The following FBXL17 variants were observed in gnomAD, a reference collection of about 807,000 sequenced individuals.
FBXL17 encodes F-box/LRR-repeat protein 17.
In FBXL17, 22 loss-of-function variants were observed where a neutral mutation model predicts 66.2. The observed-to-expected ratio is 0.33, with a 90% CI of 0.24 to 0.47. FBXL17 has a LOEUF of 0.47. Among genes scored for constraint, FBXL17 ranks in the 20% least tolerant of loss-of-function variants. FBXL17 has a pLI of 1.00. For missense variants in FBXL17, 878 were observed against 948.2 expected, an observed-to-expected ratio of 0.93 and a Z score of 0.97; for synonymous variants, 474 against 400.5, an observed-to-expected ratio of 1.18 and a Z score of -2.19.
chr5:107,957,393 A>G (rs1281274452), intron 7 of FBXL17, among the ~76,000 whole-genome samples: 2 of 152,178 alleles, frequency 1.3e-5, no homozygotes, highest in Non-Finnish European at 2.9e-5. Context: ...CCCATTGGTT[A>G]GAGAAAACTG....
chr5:108,061,662 A>G (rs973643312), intron 6 of FBXL17, among the ~76,000 whole-genome samples: 1 of 152,084 alleles, frequency 6.6e-6, no homozygotes, highest in Non-Finnish European at 1.5e-5. Context: ...TGCCACCATT[A>G]CTCGTAACTG....
intron 7 of FBXL17, among the ~76,000 whole-genome samples, chr5:107,902,162 G>GT (rs1409129653): frequency 1.3e-5 from 2 of 152,084 alleles, no homozygotes; most frequent in Admixed American, 6.6e-5. Context: ...CTATGCTGTG[G>GT]TTTTTTAGTT....
At chr5:108,363,985 CAAAT>C (rs1748500792) in intron 3 of FBXL17, among the ~76,000 whole-genome samples, 1 of 151,748 alleles carries the variant, frequency 6.6e-6, no homozygotes, top group Non-Finnish European at 1.5e-5. Flanking sequence ...AATATTAAAA[CAAAT>C]AAGACTTTTT....
intron 6 of FBXL17, among the ~76,000 whole-genome samples, chr5:108,172,448 T>C (rs1159094466): frequency 6.6e-6 from 1 of 152,224 alleles, no homozygotes; most frequent in Admixed American, 6.5e-5. Flanking sequence ...AGTGCGTATA[T>C]AAAAATACAG....
intron 4 of FBXL17, among the ~76,000 whole-genome samples, chr5:108,236,986 TTGTC>T (rs1260233910): frequency 6.6e-6 from 1 of 152,158 alleles, no homozygotes; most frequent in Non-Finnish European, 1.5e-5. Flanking sequence ...AATAGTTTGG[TTGTC>T]TGACTATCCT....
chr5:108,346,375 A>T (rs1213027273), intron 4 of FBXL17, among the ~76,000 whole-genome samples: 1 of 152,130 alleles, frequency 6.6e-6, no homozygotes. Context: ...TTACGTATAT[A>T]ACATATTTTT....
At chr5:108,005,560 T>C (rs1260946630) in intron 7 of FBXL17, among the ~76,000 whole-genome samples, 1 of 152,174 alleles carries the variant, frequency 6.6e-6, no homozygotes, top group African/African-American at 2.4e-5. Flanking sequence ...ACCTTTCCCA[T>C]GAAAATCTGA....
In FBXL17 at chr5:108,198,141, TGG is replaced by T. The variant is rs1561459747; in HGVS notation, c.1615-11896_1615-11895del. On this transcript the variant is annotated intron_variant, in intron 5 of 8. Transcript: ENST00000542267. ...TGAGGCCCCCGTCAACAGGTCCCTA[TGG>T]CTTCTCTCTGTAGAAGAGGTTTACT... is the stretch of plus-strand genomic sequence containing the variant. Among the ~76,000 whole-genome samples, 8 of 152,294 alleles carry T rather than the reference TGG, an allele frequency of 5.3e-5. No homozygotes were observed. The East Asian group carries it at 1.2e-3, about 22-fold the overall frequency.
chr5:107,981,989 T>G (rs1354109982), intron 7 of FBXL17, among the ~76,000 whole-genome samples: 2 of 152,170 alleles, frequency 1.3e-5, no homozygotes, highest in Non-Finnish European at 2.9e-5. Context: ...ATATTATACA[T>G]GATTGCTAGT....
In FBXL17 at chr5:107,955,931, T is replaced by C. The variant is rs568766800; in HGVS notation, c.1822+64994A>G. Among the ~76,000 whole-genome samples, 8 of 152,298 alleles carry C rather than the reference T, an allele frequency of 5.3e-5. No homozygotes were observed. The South Asian group carries it at 1.5e-3, about 28-fold the overall frequency. ...GATCCCATGAAAATAAAAACATCTT[T>C]AGCGTTACTTGCTAAAAAATCAATT... is the stretch of plus-strand genomic sequence containing the variant. On this transcript the variant is annotated intron_variant, in intron 7 of 8. Transcript: ENST00000542267.
intron 6 of FBXL17, among the ~76,000 whole-genome samples, chr5:108,081,174 T>C (rs1748748295): frequency 1.3e-5 from 2 of 152,212 alleles, no homozygotes; most frequent in South Asian, 4.1e-4. Flanking sequence ...AGATCTCTTT[T>C]TTAGTGTTAA....
chr5:108,347,593 C>T (rs898515192), intron 4 of FBXL17, among the ~76,000 whole-genome samples: 3 of 152,134 alleles, frequency 2.0e-5, no homozygotes, highest in Non-Finnish European at 4.4e-5. Flanking sequence ...CCACGTATCA[C>T]GTGATTCCAT....
chr5:107,973,676 G>A (rs1429290042), intron 7 of FBXL17, among the ~76,000 whole-genome samples: 1 of 151,954 alleles, frequency 6.6e-6, no homozygotes, highest in African/African-American at 2.4e-5. Context: ...TGTAACTCCT[G>A]TTAGCTTAGT....
chr5:108,291,998 C>T (rs966311226), intron 4 of FBXL17, among the ~76,000 whole-genome samples: 25 of 152,070 alleles, frequency 1.6e-4, no homozygotes, highest in Non-Finnish European at 5.9e-5. Flanking sequence ...TATCTCCATC[C>T]TCTACAGAAT....
chr5:108,346,061 C>T (rs1434316129), intron 4 of FBXL17, among the ~76,000 whole-genome samples: 1 of 152,110 alleles, frequency 6.6e-6, no homozygotes, highest in South Asian at 2.1e-4. Flanking sequence ...TTTGTTGTTA[C>T]ATTACTAAGA....
At chr5:108,307,655 A>G (rs1370782879) in intron 4 of FBXL17, among the ~76,000 whole-genome samples, 1 of 152,018 alleles carries the variant, frequency 6.6e-6, no homozygotes, top group Non-Finnish European at 1.5e-5. Context: ...TTTGTTTAAC[A>G]TATATATTGC....
chr5:107,880,103 G>T, intron 8 of FBXL17: 1 of 218,982 alleles, frequency 4.6e-6, no homozygotes, highest in Non-Finnish European at 7.7e-6. Flanking sequence ...GTCGTGCTCC[G>T]TCATCCAGGC....
intron 8 of FBXL17, chr5:107,878,174 C>T (rs905446760): frequency 1.6e-5 from 14 of 893,470 alleles, no homozygotes; most frequent in African/African-American, 1.8e-5. Flanking sequence ...AAAAAATAAT[C>T]TTAATTTTAA....
intron 7 of FBXL17, among the ~76,000 whole-genome samples, chr5:107,968,540 A>G (rs1297259030): frequency 2.6e-5 from 4 of 152,118 alleles, no homozygotes; most frequent in Non-Finnish European, 4.4e-5. Context: ...AGAAACACTA[A>G]ACTATGCCCA....
Sources: allele counts gnomAD v4.1 joint callset (sites outside exome capture counted in the v4.1 genomes callset), GRCh38; gene constraint gnomAD v4.1.1; transcripts MANE v1.5; gene names NCBI Gene and HGNC (gene_info 2026-07-23, HGNC 2026-07-21).